MEGF11: variants seen among roughly 807,000 people sequenced by gnomAD.
MEGF11 encodes the protein multiple EGF like domains 11.
A neutral mutation model predicts 146.6 loss-of-function variants in MEGF11; 126 were observed. The ratio of observed to expected loss-of-function variants is 0.86; its 90% CI spans 0.74 to 1.00. The LOEUF (loss-of-function observed/expected upper bound fraction) is 1.00, where lower values mean the gene tolerates loss of function less well. Ranked by LOEUF, MEGF11 falls within the 50% of genes least tolerant of loss-of-function variation. The pLI is 0.00. For missense variants in MEGF11, 1,509 were observed against 1,521.2 expected, an observed-to-expected ratio of 0.99 and a Z score of 0.13; for synonymous variants, 532 against 583.4, an observed-to-expected ratio of 0.91 and a Z score of 1.27.
intron 5 of MEGF11, among the ~76,000 whole-genome samples, chr15:65,996,457 A>T (rs1795979697): frequency 6.6e-6 from 1 of 150,852 alleles, no homozygotes. Context: ...TGCTATTTGA[A>T]ATAGCCCTGT....
At chr15:65,965,193 G>C in intron 8 of MEGF11, 73 bp from the exon 9 acceptor site, 1 of 1,323,808 alleles carries the variant, frequency 7.6e-7, no homozygotes, top group East Asian at 2.6e-5. Flanking sequence ...CCTCCAGGAT[G>C]TGGTCCTCCT....
intron 5 of MEGF11, among the ~76,000 whole-genome samples, chr15:66,006,201 C>A (rs994661768): frequency 2.0e-5 from 3 of 152,132 alleles, no homozygotes; most frequent in African/African-American, 7.2e-5. Context: ...CAGGCTGGGA[C>A]TGGGGAGAGA....
intron 5 of MEGF11, among the ~76,000 whole-genome samples, chr15:65,989,096 A>G (rs1055810874): frequency 6.6e-6 from 1 of 152,226 alleles, no homozygotes; most frequent in Non-Finnish European, 1.5e-5. Context: ...GGGCCCAAGC[A>G]TAGGTCCCTT....
chr15:65,929,157 C>G (rs2079481060), intron 12 of MEGF11, among the ~76,000 whole-genome samples: 1 of 152,216 alleles, frequency 6.6e-6, no homozygotes, highest in Admixed American at 6.5e-5. Context: ...TTGCAGGACT[C>G]CAAATTGCTC....
chr15:66,087,191 T>C (rs2086145099), intron 5 of MEGF11, among the ~76,000 whole-genome samples: 1 of 151,922 alleles, frequency 6.6e-6, no homozygotes, highest in Non-Finnish European at 1.5e-5. Flanking sequence ...CTAATAGACA[T>C]AAGAAATGAG....
intron 10 of MEGF11, among the ~76,000 whole-genome samples, chr15:65,947,659 C>G (rs971724188): frequency 2.6e-5 from 4 of 152,228 alleles, no homozygotes; most frequent in African/African-American, 9.6e-5. Context: ...GTGGCCCTAT[C>G]CCTGCCCTCT....
At chr15:66,216,934 G>T (rs1356520090) in intron 1 of MEGF11, among the ~76,000 whole-genome samples, 1 of 152,222 alleles carries the variant, frequency 6.6e-6, no homozygotes, top group Non-Finnish European at 1.5e-5. Context: ...GCTTTCAAAG[G>T]CTTGGCCCTC....
intron 1 of MEGF11, among the ~76,000 whole-genome samples, chr15:66,143,224 G>A (rs59576585): frequency 6.6e-6 from 1 of 152,330 alleles, no homozygotes; most frequent in Middle Eastern, 3.4e-3. Context: ...GAGACTTGCC[G>A]AAGGTCACAC....
intron 1 of MEGF11, among the ~76,000 whole-genome samples, chr15:66,145,958 T>C (rs780372022): frequency 5.3e-5 from 8 of 152,214 alleles, no homozygotes; most frequent in Non-Finnish European, 1.0e-4. Flanking sequence ...GCTATTACCG[T>C]TGGGCGCACA....
At chr15:65,972,610 G>A (rs1470776579) in intron 7 of MEGF11, among the ~76,000 whole-genome samples, 1 of 152,092 alleles carries the variant, frequency 6.6e-6, no homozygotes, top group Non-Finnish European at 1.5e-5. Context: ...AATTAAGAGG[G>A]TTTAGACTTC....
At chr15:65,920,027 T>C (rs1167828663) in intron 15 of MEGF11, among the ~76,000 whole-genome samples, 1 of 152,266 alleles carries the variant, frequency 6.6e-6, no homozygotes, top group Non-Finnish European at 1.5e-5. Context: ...TACTATTATA[T>C]AGTCTCACTA....
intron 5 of MEGF11, among the ~76,000 whole-genome samples, chr15:66,055,954 G>A (rs533728330): frequency 8.5e-5 from 13 of 152,238 alleles, no homozygotes; most frequent in Middle Eastern, 3.4e-3. Context: ...GGAAGGCTTC[G>A]GGAAAGCATG....
At chr15:66,069,970 G>A (rs758197549) in intron 5 of MEGF11, among the ~76,000 whole-genome samples, 2 of 152,162 alleles carry the variant, frequency 1.3e-5, no homozygotes, top group Non-Finnish European at 2.9e-5. Flanking sequence ...TTGGCCCATG[G>A]ACCATAGCTT....
chr15:66,008,168 G>A (rs1399931862), intron 5 of MEGF11, among the ~76,000 whole-genome samples: 12 of 152,216 alleles, frequency 7.9e-5, no homozygotes, highest in African/African-American at 2.2e-4. Context: ...TTAAAATCAG[G>A]GAACCCTGTC....
intron 1 of MEGF11, among the ~76,000 whole-genome samples, chr15:66,253,260 C>A (rs888829818): frequency 1.3e-5 from 2 of 152,184 alleles, no homozygotes; most frequent in African/African-American, 4.8e-5. Flanking sequence ...CCCGGGACAC[C>A]CGCGCCGCGC....
intron 5 of MEGF11, among the ~76,000 whole-genome samples, chr15:66,041,490 G>A (rs911663214): frequency 2.6e-5 from 4 of 152,210 alleles, no homozygotes; most frequent in African/African-American, 7.2e-5. Context: ...GTCGCCTTGC[G>A]CTGCACATTG....
At chr15:66,065,161 C>T (rs771584116) in intron 5 of MEGF11, among the ~76,000 whole-genome samples, 10 of 152,116 alleles carry the variant, frequency 6.6e-5, no homozygotes, top group Non-Finnish European at 8.8e-5. Context: ...TCAGAGCACA[C>T]GTCCCTAACA....
At chr15:65,933,056 C>T (rs1023621382) in intron 10 of MEGF11, among the ~76,000 whole-genome samples, 7 of 152,130 alleles carry the variant, frequency 4.6e-5, no homozygotes, top group African/African-American at 7.2e-5. Context: ...CAGAGAGAAC[C>T]GAGGGTGTGG....
chr15:66,124,022 G>A, intron 2 of MEGF11, 22 bp from the exon 3 acceptor site: 1 of 1,589,382 alleles, frequency 6.3e-7, no homozygotes, highest in Non-Finnish European at 8.6e-7. Flanking sequence ...ATGGGAGATA[G>A]GAGCCATGAT....
Sources: gnomAD v4.1 joint callset for allele counts (sites outside exome capture counted in the v4.1 genomes callset) on GRCh38, gnomAD v4.1.1 for gene constraint, MANE v1.5 for transcripts, NCBI Gene and HGNC (gene_info 2026-07-23, HGNC 2026-07-21) for gene names.